VAV2: variants seen among roughly 807,000 people sequenced by gnomAD.
VAV2 encodes the protein guanine nucleotide exchange factor VAV2.
VAV2 carries 67 observed loss-of-function variants against 132.5 expected under a neutral mutation model. The ratio of observed to expected loss-of-function variants is 0.51; its 90% CI spans 0.42 to 0.62. VAV2 has a LOEUF of 0.62. Ranked by LOEUF, VAV2 falls within the 20% of genes least tolerant of loss-of-function variation. The probability of loss-of-function intolerance (pLI) is 0.00; values close to 1 mark genes in which losing one functional copy is unlikely to be tolerated. For synonymous variants in VAV2, 492 were observed against 443.5 expected, an observed-to-expected ratio of 1.11 and a Z score of -1.37; for missense variants, 938 against 1,153.6, an observed-to-expected ratio of 0.81 and a Z score of 2.71.
intron 3 of VAV2, among the ~76,000 whole-genome samples, chr9:133,844,966 T>C (rs1447367481): frequency 6.6e-6 from 1 of 152,246 alleles, no homozygotes; most frequent in Non-Finnish European, 1.5e-5. Flanking sequence ...CCTGTGAACA[T>C]GGAACGCTCT....
chr9:133,866,114 T>A (rs1266987289), intron 2 of VAV2, among the ~76,000 whole-genome samples: 1 of 152,168 alleles, frequency 6.6e-6, no homozygotes, highest in African/African-American at 2.4e-5. Context: ...ACCCCCGCTG[T>A]TAGGGCCCAA....
At chr9:133,906,355 T>C (rs1056590670) in intron 2 of VAV2, among the ~76,000 whole-genome samples, 9 of 152,204 alleles carry the variant, frequency 5.9e-5, no homozygotes, top group Non-Finnish European at 1.2e-4. Flanking sequence ...GTTGACAATG[T>C]GAGCCATGTC....
intron 9 of VAV2, among the ~76,000 whole-genome samples, chr9:133,801,783 G>A (rs1834938301): frequency 6.6e-6 from 1 of 152,188 alleles, no homozygotes; most frequent in Admixed American, 6.5e-5. Flanking sequence ...ACGCGGGGAG[G>A]CCATGTGGAG....
intron 1 of VAV2, among the ~76,000 whole-genome samples, chr9:133,951,136 ACTGAGCCTC>A (rs1303966567): frequency 6.6e-6 from 1 of 152,206 alleles, no homozygotes; most frequent in African/African-American, 2.4e-5. Flanking sequence ...GGGGGGTAAA[ACTGAGCCTC>A]CTTCTATGAT....
chr9:133,982,823 A>G (rs980732595), intron 1 of VAV2, among the ~76,000 whole-genome samples: 1 of 152,248 alleles, frequency 6.6e-6, no homozygotes, highest in Admixed American at 6.5e-5. Context: ...TGTGAAAATG[A>G]TAACACATTT....
intron 1 of VAV2, among the ~76,000 whole-genome samples, chr9:133,954,774 ACAT>A (rs1564497357): frequency 7.3e-6 from 1 of 136,074 alleles, no homozygotes; most frequent in African/African-American, 2.9e-5. Flanking sequence ...ATGTGTGTGC[ACAT>A]GTATGTGTGC....
At chr9:133,954,524 G>C (rs182880451) in intron 1 of VAV2, among the ~76,000 whole-genome samples, 1 of 152,278 alleles carries the variant, frequency 6.6e-6, no homozygotes, top group Non-Finnish European at 1.5e-5. Flanking sequence ...ACGCCTGAAG[G>C]CTTCCGGAGA....
chr9:133,822,267 G>A (rs1402187910), intron 4 of VAV2, among the ~76,000 whole-genome samples: 1 of 152,200 alleles, frequency 6.6e-6, no homozygotes, highest in East Asian at 1.9e-4. Flanking sequence ...CGCCGCACTG[G>A]CCCCGGGCTG....
At chr9:133,784,669 G>A (rs1179395438) in intron 17 of VAV2, among the ~76,000 whole-genome samples, 2 of 152,226 alleles carry the variant, frequency 1.3e-5, no homozygotes, top group Non-Finnish European at 2.9e-5. Context: ...AGGTGGGGAC[G>A]GTGGTCTAAG....
rs201151327 is a variant in VAV2, at chr9:133,849,878, TC to T, written c.380+11495del. 8.3e-3 allele frequency among the ~76,000 whole-genome samples: 1,266 copies of T among 152,356 alleles called. 35 individuals carry two copies. Among genetic ancestry groups the T allele is most frequent in the Admixed American group, 0.052 (803 of 15,310 alleles). On this transcript the variant is annotated intron_variant, in intron 3 of 29. Coordinates refer to ENST00000371850, the MANE Select transcript of VAV2 (RefSeq NM_001134398.2). The stretch of plus-strand genomic sequence containing the variant: ...CCCAACCAGGTAATTCAGGATGATC[TC>T]ATCTAGAGGACCCTACTTTAATTAC...
chr9:133,827,642 T>C (rs1355748317), intron 4 of VAV2, among the ~76,000 whole-genome samples: 2 of 42,364 alleles, frequency 4.7e-5, no homozygotes, highest in African/African-American at 1.4e-4. Context: ...AGTGGGGGCA[T>C]CACCACCTAC....
At chr9:133,988,649 C>T (rs1026347678) in intron 1 of VAV2, among the ~76,000 whole-genome samples, 2 of 152,210 alleles carry the variant, frequency 1.3e-5, no homozygotes, top group African/African-American at 2.4e-5. Flanking sequence ...TTCAGCCGGA[C>T]GCGGGGGCTC....
chr9:133,911,236 A>G (rs1008017666), intron 2 of VAV2, among the ~76,000 whole-genome samples: 1 of 152,234 alleles, frequency 6.6e-6, no homozygotes, highest in Non-Finnish European at 1.5e-5. Flanking sequence ...CCCACCAGGA[A>G]CACACCCGTT....
In VAV2 at chr9:133,857,709, T is replaced by C. The variant is rs574354160; in HGVS notation, c.380+3665A>G. ...AGCCCATCCGGAGCAAGGTGGGACA[T>C]TGCTCAGACGCAGCCACCAAGTGGG... On this transcript the variant is annotated intron_variant, in intron 3 of 29. Transcript: ENST00000371850. The surrounding 1 kb of genome is among the most constrained non-coding windows in gnomAD (Gnocchi z 4.0). 2.6e-5 allele frequency among the ~76,000 whole-genome samples: 4 copies of C among 152,328 alleles called. No homozygotes were observed. The East Asian group carries it at 7.7e-4, about 29-fold the overall frequency.
chr9:133,776,755 G>C (rs1329907850), intron 23 of VAV2, among the ~76,000 whole-genome samples: 1 of 152,158 alleles, frequency 6.6e-6, no homozygotes, highest in South Asian at 2.1e-4. Flanking sequence ...CACACAGGCG[G>C]ACGGGACTGG....
intron 1 of VAV2, among the ~76,000 whole-genome samples, chr9:133,981,867 A>G (rs1282545556): frequency 6.6e-6 from 1 of 152,130 alleles, no homozygotes; most frequent in Admixed American, 6.5e-5. Flanking sequence ...CCCCCTCTAG[A>G]CTGCCCCAAG....
chr9:133,789,503 G>T (rs1834367445), intron 13 of VAV2, among the ~76,000 whole-genome samples, 160 bp from the exon 14 acceptor site: 1 of 152,206 alleles, frequency 6.6e-6, no homozygotes, highest in Admixed American at 6.5e-5. Context: ...TGGTGCTCAG[G>T]ATGGACGAGG....
At chr9:133,965,881 CA>C (rs781310999) in intron 1 of VAV2, among the ~76,000 whole-genome samples, 21 of 152,090 alleles carry the variant, frequency 1.4e-4, no homozygotes, top group Non-Finnish European at 2.2e-4. Flanking sequence ...GACTTCAAAA[CA>C]CACTACAAAG....
rs574418457 is a variant in VAV2, at chr9:133,877,011, G to A, written c.322-15579C>T. Among the ~76,000 whole-genome samples, 11 of 152,238 alleles carry A rather than the reference G, an allele frequency of 7.2e-5. No individual in the cohort carries two copies. The South Asian group carries it at 2.3e-3, about 32-fold the overall frequency. ...GCAAGGCTGAGCTTAAACCCTTGGTGTGGCCTTCAGCAAGTCGCTGCCTGC... is the reference window on the plus strand; with the variant it reads ...GCAAGGCTGAGCTTAAACCCTTGGTATGGCCTTCAGCAAGTCGCTGCCTGC... On this transcript the variant is annotated intron_variant, in intron 2 of 29. Coordinates refer to ENST00000371850, the MANE Select transcript of VAV2 (RefSeq NM_001134398.2).
Sources: allele counts gnomAD v4.1 joint callset (sites outside exome capture counted in the v4.1 genomes callset), GRCh38; gene constraint gnomAD v4.1.1; non-coding constraint Gnocchi (gnomAD v3.1); transcripts MANE v1.5; gene names NCBI Gene and HGNC (gene_info 2026-07-23, HGNC 2026-07-21).